Variants in TRMT11 observed in about 807,000 individuals in gnomAD.
The protein encoded by TRMT11 is tRNA methyltransferase 11, also known as tRNA (guanine(10)-N(2))-methyltransferase TRMT11.
TRMT11 carries 53 observed loss-of-function variants against 62.8 expected under a neutral mutation model. The observed-to-expected ratio is 0.84, with a 90% CI of 0.68 to 1.06. The LOEUF (loss-of-function observed/expected upper bound fraction) is 1.06, where lower values mean the gene tolerates loss of function less well. TRMT11 is among the 50% of genes least tolerant of loss of function. The pLI is 0.00. For missense variants in TRMT11, 556 were observed against 553.4 expected (o/e 1.00, Z -0.05); for synonymous variants, 188 against 190.3 (o/e 0.99, Z 0.10).
At chr6:126,209,104 T>C in the TRMT11 span, among the ~76,000 whole-genome samples, 1 of 152,182 alleles carries the variant, frequency 6.6e-6, no homozygotes. Flanking sequence ...GGGGAAGTCC[T>C]GGAGCACTAG....
chr6:126,158,376 C>A (rs1450234179), intron 21 of TRMT11, among the ~76,000 whole-genome samples: 2 of 152,126 alleles, frequency 1.3e-5, no homozygotes, highest in Non-Finnish European at 1.5e-5. Flanking sequence ...TTTGTATTTT[C>A]TGCAAATTAG....
rs189614669 is a variant in TRMT11 at position 126,179,570 on chromosome 6, T to A, written n.143+2235T>A. Among the ~76,000 whole-genome samples, 229 of 152,278 alleles carry A rather than the reference T, an allele frequency of 1.5e-3. 2 individuals carry two copies. Among genetic ancestry groups the A allele is most frequent in the South Asian group, 5.8e-3 (28 of 4,822 alleles). ...CTGACTGTTCATTCCCATTGTTTAA[T>A]CTTTCATTTCCCCAAAGATTAACTT... On this transcript the variant is annotated intron_variant and non_coding_transcript_variant, in intron 1 of 3. Transcript: ENST00000444229.
At chr6:126,193,925 T>A (rs1562345828) in intron 1 of TRMT11, among the ~76,000 whole-genome samples, 1 of 152,234 alleles carries the variant, frequency 6.6e-6, no homozygotes, top group Non-Finnish European at 1.5e-5. Flanking sequence ...AATTTCTTCA[T>A]TGACCCATTA....
chr6:126,158,867 T>C (rs2128227179), intron 21 of TRMT11, among the ~76,000 whole-genome samples: 1 of 152,298 alleles, frequency 6.6e-6, no homozygotes, highest in East Asian at 1.9e-4. Context: ...TGGATGCTCT[T>C]GAAATGGTAT....
intron 1 of TRMT11, among the ~76,000 whole-genome samples, chr6:126,181,740 T>G (rs1284090138): frequency 6.6e-6 from 1 of 152,220 alleles, no homozygotes; most frequent in Non-Finnish European, 1.5e-5. Flanking sequence ...AGACTGGGAT[T>G]GATGTTAGTA....
chr6:126,022,042 T>G (rs991068291), intron 12 of TRMT11, among the ~76,000 whole-genome samples: 1 of 144,968 alleles, frequency 6.9e-6, no homozygotes, highest in African/African-American at 2.5e-5. Flanking sequence ...GTCTGAAGAT[T>G]TTTCCTTAGT....
intron 17 of TRMT11, among the ~76,000 whole-genome samples, chr6:126,099,186 A>G (rs917405502): frequency 6.6e-6 from 1 of 152,206 alleles, no homozygotes; most frequent in African/African-American, 2.4e-5. Context: ...TACTTCTTCA[A>G]ACGTGCTGTA....
chr6:126,013,144 A>G (rs752200168), intron 11 of TRMT11, 43 bp downstream of exon 11: 12 of 1,543,988 alleles, frequency 7.8e-6, no homozygotes, highest in Admixed American at 5.6e-5. Flanking sequence ...TTTTCTTACA[A>G]TGTTTGCGTA....
intron 11 of TRMT11, among the ~76,000 whole-genome samples, chr6:126,019,952 CAG>C (rs1795579776): frequency 6.6e-6 from 1 of 152,064 alleles, no homozygotes; most frequent in South Asian, 2.1e-4. Flanking sequence ...AGGAAGAAGT[CAG>C]AGAATGACTT....
chr6:126,261,382 A>T, the TRMT11 span, among the ~76,000 whole-genome samples: 1 of 151,978 alleles, frequency 6.6e-6, no homozygotes, highest in Non-Finnish European at 1.5e-5. Flanking sequence ...ACTGAGTTTT[A>T]TTAAGATCAT....
intron 19 of TRMT11, among the ~76,000 whole-genome samples, chr6:126,115,217 C>CAAAT (rs1777574045): frequency 6.6e-6 from 1 of 152,100 alleles, no homozygotes; most frequent in Admixed American, 6.6e-5. Context: ...ACTTCACCTC[C>CAAAT]AAATCTCTTT....
intron 12 of TRMT11, among the ~76,000 whole-genome samples, chr6:126,033,549 C>T (rs1774609862): frequency 6.6e-6 from 1 of 152,036 alleles, no homozygotes; most frequent in Admixed American, 6.6e-5. Flanking sequence ...CAGTGTTACA[C>T]GTTAGAATCG....
At position 126,082,365 on chromosome 6, in the gene TRMT11, ATAT is replaced by A. The variant is rs373808811; in HGVS notation, c.*1437+29179_*1437+29181del. On this transcript the variant is annotated intron_variant and NMD_transcript_variant, in intron 17 of 22. Transcript: ENST00000648977. ...TATTGTGTATTTTATTAAAATACTA[ATAT>A]TATATATTACAATGTAATATCAATT... Among the ~76,000 whole-genome samples the A allele has an allele frequency of 2.8e-3, 417 of 151,102 alleles. 1 individual carries two copies. The highest frequency in any genetic ancestry group is 9.2e-3 in the African/African-American group (382 of 41,414).
At position 125,989,124 on chromosome 6, in the gene TRMT11, C is replaced by CTTT. The variant is rs971479523; in HGVS notation, c.72+2523_72+2525dup. On this transcript the variant is annotated intron_variant, in intron 1 of 12. Transcript: ENST00000334379. ...GACACCATTCTAAGGAGTTTGGATT[C>CTTT]TTTTTTTTTTTTTTTTTTTTTTTGA... 5.2e-3 allele frequency among the ~76,000 whole-genome samples: 486 copies of CTTT among 94,362 alleles called. 5 individuals are homozygous for CTTT. The highest frequency in any genetic ancestry group is 0.025 in the South Asian group (70 of 2,836). 61.9% of individuals were successfully genotyped at this position (94,362 alleles called of 152,430 possible).
intron 16 of TRMT11, among the ~76,000 whole-genome samples, chr6:126,046,139 G>A (rs1008619308): frequency 6.6e-6 from 1 of 152,122 alleles, no homozygotes; most frequent in African/African-American, 2.4e-5. Flanking sequence ...CCTTGGAAAA[G>A]TGCTCTACCT....
Position 126,021,748 on chromosome 6 carries a change from C to G in TRMT11, c.1260+468C>G, listed in dbSNP as rs113873546. 1.6e-3 allele frequency among the ~76,000 whole-genome samples: 244 copies of G among 152,318 alleles called. 2 individuals are homozygous for G. The highest frequency in any genetic ancestry group is 5.7e-3 in the African/African-American group (236 of 41,566). On this transcript the variant is annotated intron_variant, in intron 12 of 12. Coordinates refer to ENST00000334379, the MANE Select transcript of TRMT11 (RefSeq NM_001031712.3). Reference sequence around the variant, plus strand: ...TCTCTCTTTGTCTCTCTCTTACATACAAAATTCTTACTCTCTTACATTCAT... The same window carrying G: ...TCTCTCTTTGTCTCTCTCTTACATAGAAAATTCTTACTCTCTTACATTCAT...
chr6:126,168,561 C>G (rs1313050955), intron 21 of TRMT11, among the ~76,000 whole-genome samples: 1 of 152,210 alleles, frequency 6.6e-6, no homozygotes, highest in Non-Finnish European at 1.5e-5. Flanking sequence ...CTCTGTCACC[C>G]AGGCTGGAGT....
chr6:126,090,030 C>T (rs1777256890), intron 17 of TRMT11, among the ~76,000 whole-genome samples: 1 of 152,234 alleles, frequency 6.6e-6, no homozygotes, highest in South Asian at 2.1e-4. Context: ...GGCCATGTAT[C>T]CTTCCTCCCC....
intron 17 of TRMT11, among the ~76,000 whole-genome samples, chr6:126,073,128 A>G (rs1308128268): frequency 6.6e-6 from 1 of 152,178 alleles, no homozygotes; most frequent in Non-Finnish European, 1.5e-5. Context: ...TTCTAGCACT[A>G]TGCCTCTGTG....
Sources: allele counts gnomAD v4.1 joint callset (sites outside exome capture counted in the v4.1 genomes callset), GRCh38; gene constraint gnomAD v4.1.1; transcripts MANE v1.5; gene names NCBI Gene and HGNC (gene_info 2026-07-23, HGNC 2026-07-21).